The following CFI variants were observed in gnomAD, a reference collection of about 807,000 sequenced individuals.
CFI encodes the protein complement factor I.
In CFI, 66 loss-of-function variants were observed where a neutral mutation model predicts 78.8. The observed-to-expected ratio is 0.84, with a 90% confidence interval of 0.69 to 1.03. The LOEUF (loss-of-function observed/expected upper bound fraction) is 1.03. Ranked by LOEUF, CFI falls within the 50% of genes least tolerant of loss-of-function variation. CFI has a pLI of 0.00. For missense variants in CFI, 706 were observed against 704.5 expected (o/e 1.00, Z -0.02); for synonymous variants, 250 against 232.6 (o/e 1.07, Z -0.68).
intron 1 of CFI, among the ~76,000 whole-genome samples, chr4:109,787,124 A>G (rs1730845670): frequency 1.3e-5 from 2 of 152,114 alleles, no homozygotes; most frequent in South Asian, 2.1e-4. Context: ...ATAAAGTTGT[A>G]TACCACTGAG....
At chr4:109,765,713 G>T (rs1181654532) in intron 2 of CFI, among the ~76,000 whole-genome samples, 1 of 152,186 alleles carries the variant, frequency 6.6e-6, no homozygotes, top group African/African-American at 2.4e-5. Context: ...GTCTGGGTTT[G>T]CTAGGTTGGA....
At chr4:109,790,555 C>T (rs1235765587) in intron 1 of CFI, among the ~76,000 whole-genome samples, 1 of 152,016 alleles carries the variant, frequency 6.6e-6, no homozygotes, top group East Asian at 1.9e-4. Flanking sequence ...GCCTAGTAAC[C>T]ATTAGTTATT....
chr4:109,770,700 A>G (rs1266346260), intron 1 of CFI, among the ~76,000 whole-genome samples: 1 of 151,994 alleles, frequency 6.6e-6, no homozygotes, highest in Admixed American at 6.6e-5. Context: ...GAATACAGGA[A>G]TTTTTTTAAA....
chr4:109,737,721 G>A (rs996248399), downstream of CFI, among the ~76,000 whole-genome samples: 15 of 152,198 alleles, frequency 9.9e-5, no homozygotes, highest in African/African-American at 3.4e-4. Context: ...GTCTGTGAGC[G>A]TTATTTCCAG....
rs181446046 is a variant in CFI, at chr4:109,796,631, A to G, written c.57+5284T>C. On this transcript the variant is annotated intron_variant, in intron 1 of 12. Transcript: ENST00000394634. ...AGTCTGGGCAACATAGCAAGGTCCCATCACTACAAAAAATAAAATTAGTTG... is the reference window on the plus strand; with the variant it reads ...AGTCTGGGCAACATAGCAAGGTCCCGTCACTACAAAAAATAAAATTAGTTG... Among the ~76,000 whole-genome samples the G allele has an allele frequency of 5.9e-5, 9 of 152,302 alleles. No individual in the cohort carries two copies. The East Asian group carries it at 1.7e-3, about 29-fold the overall frequency.
rs974617720 is a variant in CFI at position 109,800,551 on chromosome 4, C to A, written c.57+1364G>T. Among the ~76,000 whole-genome samples the A allele has an allele frequency of 1.4e-4, 21 of 151,950 alleles. No individual in the cohort carries two copies. The South Asian group carries it at 2.7e-3, about 20-fold the overall frequency. ...TATTCCCCCCATTAGAAGGCCCCAG[C>A]AGCCACTCCCACTGTGCTATGGGTT... On this transcript the variant is annotated intron_variant, in intron 1 of 12. Transcript: ENST00000394634.
chr4:109,778,802 C>T (rs1291879506), intron 1 of CFI, among the ~76,000 whole-genome samples: 1 of 152,156 alleles, frequency 6.6e-6, no homozygotes, highest in East Asian at 1.9e-4. Context: ...TTGGCTTCAT[C>T]CCTGGGATGC....
chr4:109,754,320 C>T (rs966268870), intron 7 of CFI, among the ~76,000 whole-genome samples: 13 of 150,534 alleles, frequency 8.6e-5, no homozygotes, highest in African/African-American at 3.2e-4. Context: ...CAGTCATCAG[C>T]ACTAGCCAAG....
intron 1 of CFI, among the ~76,000 whole-genome samples, chr4:109,794,803 C>T (rs970104133): frequency 6.6e-6 from 1 of 152,066 alleles, no homozygotes; most frequent in Non-Finnish European, 1.5e-5. Flanking sequence ...CAAAACAATT[C>T]TATTTATTTA....
downstream of CFI, among the ~76,000 whole-genome samples, chr4:109,739,270 G>A (rs1209983237): frequency 6.7e-6 from 1 of 150,294 alleles, no homozygotes; most frequent in Non-Finnish European, 1.5e-5. Context: ...GATAAAGATA[G>A]CTGTGCTTAA....
rs535461085 is a variant in CFI, at chr4:109,753,935, A to G, written c.905-1432T>C. Among the ~76,000 whole-genome samples the G allele has an allele frequency of 4.5e-4, 62 of 137,722 alleles. 1 individual carries two copies. Among genetic ancestry groups the G allele is most frequent in the African/African-American group, 1.6e-3 (59 of 36,128 alleles). The allele number at this position is 137,722 out of a possible 152,430, so 90.4% of individuals were successfully genotyped here. A position where few individuals can be genotyped will look rare whatever the true frequency, so the allele number is the denominator to read the frequency against. On this transcript the variant is annotated intron_variant, in intron 7 of 12. Coordinates refer to ENST00000394634, the MANE Select transcript of CFI (RefSeq NM_000204.5). ...TATATATTATCTAATGTATAATTTT[A>G]TATTATATATTATATATTTGATATT...
At chr4:109,785,428 A>C (rs1446773898) in intron 1 of CFI, among the ~76,000 whole-genome samples, 1 of 152,112 alleles carries the variant, frequency 6.6e-6, no homozygotes, top group Admixed American at 6.6e-5. Flanking sequence ...TTTGTACAGC[A>C]GTGCACTTAT....
intron 8 of CFI, 118 bp downstream of exon 8, chr4:109,752,350 T>A (rs927812738): frequency 1.2e-4 from 106 of 856,176 alleles, no homozygotes; most frequent in Admixed American, 8.9e-5. Context: ...TTATATTTTT[T>A]AATTTAAATT....
chr4:109,731,872 A>C, the CFI span, among the ~76,000 whole-genome samples: 2 of 152,158 alleles, frequency 1.3e-5, no homozygotes, highest in Admixed American at 1.3e-4. Flanking sequence ...TTATTTTTTA[A>C]TTTTTAGACA....
rs1727514792 is a variant in CFI at position 109,764,692 on chromosome 4, T to C, written c.329-2A>G. 6.2e-7 allele frequency: 1 copy of C among 1,612,826 alleles called. No homozygotes were observed. ...GCTTCAAGGAAACACTAAACTTTCCTAAAATAAAAAAACAAAATAATGTGC... is the reference window on the plus strand; with the variant it reads ...GCTTCAAGGAAACACTAAACTTTCCCAAAATAAAAAAACAAAATAATGTGC... On this transcript the variant is annotated splice_acceptor_variant, in intron 2 of 12. Transcript: ENST00000394634. LOFTEE classifies it high-confidence loss of function.
chr4:109,749,490 C>T lies in CFI; in HGVS notation c.1044+9G>A, dbSNP rs568070697. On this transcript the variant is annotated intron_variant, in intron 9 of 12. Transcript: ENST00000394634. ...GGCAGTTGCATTGTGACTTTTCATGCGACTTTACCAGTTGTGCTCGCTTTC... is the reference window on the plus strand; with the variant it reads ...GGCAGTTGCATTGTGACTTTTCATGTGACTTTACCAGTTGTGCTCGCTTTC... 1.9e-5 allele frequency: 31 copies of T among 1,607,120 alleles called. No homozygotes were observed. Among genetic ancestry groups the T allele is most frequent in the Middle Eastern group, 3.3e-4 (2 of 6,052 alleles).
intron 1 of CFI, among the ~76,000 whole-genome samples, chr4:109,795,247 G>T (rs1039901384): frequency 6.6e-6 from 1 of 152,102 alleles, no homozygotes; most frequent in Non-Finnish European, 1.5e-5. Context: ...GTGGACCACA[G>T]CACCGAGCCC....
rs116262026 is a variant in CFI, at chr4:109,799,830, T to C, written c.57+2085A>G. ...TTGTTATTGTGTTAAGGCTATTTTA[T>C]GTACTCAGATATCCTTCAAGACCAC... On this transcript the variant is annotated intron_variant, in intron 1 of 12. Transcript: ENST00000394634. Among the ~76,000 whole-genome samples the C allele has an allele frequency of 5.4e-3, 822 of 152,344 alleles. 5 individuals carry two copies. The highest frequency in any genetic ancestry group is 0.019 in the African/African-American group (784 of 41,568).
chr4:109,754,997 GAC>G (rs1725953127), intron 7 of CFI, among the ~76,000 whole-genome samples: 1 of 152,172 alleles, frequency 6.6e-6, no homozygotes, highest in Non-Finnish European at 1.5e-5. Flanking sequence ...ACAGATGAGA[GAC>G]AGCATGGAAG....
Sources: gnomAD v4.1 joint callset for allele counts (sites outside exome capture counted in the v4.1 genomes callset) on GRCh38, gnomAD v4.1.1 for gene constraint, MANE v1.5 for transcripts, NCBI Gene and HGNC (gene_info 2026-07-23, HGNC 2026-07-21) for gene names.